The following PCDHGA3 variants were observed in gnomAD, a reference collection of about 807,000 sequenced individuals.
The protein encoded by PCDHGA3 is protocadherin gamma-A3.
In PCDHGA3, 40 loss-of-function variants were observed where a neutral mutation model predicts 58.5. The ratio of observed to expected loss-of-function variants is 0.68; its 90% CI spans 0.53 to 0.89. PCDHGA3 has a LOEUF of 0.89. Among genes scored for constraint, PCDHGA3 ranks in the 40% least tolerant of loss-of-function variants. The pLI, the probability that PCDHGA3 is intolerant of heterozygous loss-of-function variation, is 0.00. For synonymous variants in PCDHGA3, 530 were observed against 525.7 expected, an observed-to-expected ratio of 1.01 and a Z score of -0.11; for missense variants, 1,223 against 1,195.9, an observed-to-expected ratio of 1.02 and a Z score of -0.33.
rs1345498022 is a variant in PCDHGA3 at position 141,493,312 on chromosome 5, A to G, written c.2425-1495A>G. On this transcript the variant is annotated intron_variant, in intron 1 of 3. Coordinates refer to ENST00000253812, the MANE Select transcript of PCDHGA3 (RefSeq NM_018916.4). This position sits in a 1 kb window ranked among gnomAD's most constrained non-coding sequence, Gnocchi z 4.3. ...CTCAAGTTCACAGAGCAAGTAAGAG[A>G]GATTCTAACCCCTGTCTAACTCCAG... 6.6e-6 allele frequency among the ~76,000 whole-genome samples: 1 copy of G among 152,174 alleles called. No individual in the cohort carries two copies. Among genetic ancestry groups the G allele is most frequent in the Non-Finnish European group, 1.5e-5 (1 of 68,028 alleles).
At chr5:141,389,600 C>T (rs748837518) in intron 1 of PCDHGA3, 28 of 1,613,080 alleles carry the variant, frequency 1.7e-5, no homozygotes, top group Non-Finnish European at 2.3e-5. Flanking sequence ...GCTCTGCGCT[C>T]TTCGATATGG....
Position 141,431,706 on chromosome 5 carries a change from AG to A in PCDHGA3, c.2425-63100del. The A allele has an allele frequency of 6.2e-7, 1 of 1,614,248 alleles. No homozygotes were observed. The highest frequency in any genetic ancestry group is 8.5e-7 in the Non-Finnish European group (1 of 1,180,048). ...GACCACGAGGAGTCAGGATTCTACC[AG>A]ATGGAAGTGCAAGCAATGGATAATG... On this transcript the variant is annotated intron_variant, in intron 1 of 3. Coordinates refer to ENST00000253812, the MANE Select transcript of PCDHGA3 (RefSeq NM_018916.4). This position sits in a 1 kb window ranked among gnomAD's most constrained non-coding sequence, Gnocchi z 4.8.
In PCDHGA3 at chr5:141,485,062, C is replaced by T. The variant is rs2099606141; in HGVS notation, c.2425-9745C>T. 2.3e-6 allele frequency: 2 copies of T among 876,222 alleles called. No individual in the cohort carries two copies. Among genetic ancestry groups the T allele is most frequent in the Non-Finnish European group, 3.6e-6 (2 of 552,684 alleles). 54.3% of individuals were successfully genotyped at this position (876,222 alleles called of 1,614,324 possible). ...CCTTGCGGCGCCGGCCGAACCGCGCCAGAGCTGGCGCGGGGAAAGGGAGAT... is the reference window on the plus strand; with the variant it reads ...CCTTGCGGCGCCGGCCGAACCGCGCTAGAGCTGGCGCGGGGAAAGGGAGAT... On this transcript the variant is annotated intron_variant, in intron 1 of 3. Coordinates refer to ENST00000253812, the MANE Select transcript of PCDHGA3 (RefSeq NM_018916.4). The surrounding 1 kb of genome is among the most constrained non-coding windows in gnomAD (Gnocchi z 5.7).
At chr5:141,353,544 G>A (rs1278029752) in intron 1 of PCDHGA3, among the ~76,000 whole-genome samples, 1 of 152,080 alleles carries the variant, frequency 6.6e-6, no homozygotes, top group African/African-American at 2.4e-5. Context: ...CACTAACTTT[G>A]AGTCAATATT....
At chr5:141,355,086 G>A (rs1759710362) in intron 1 of PCDHGA3, 1 of 1,449,620 alleles carries the variant, frequency 6.9e-7, no homozygotes, top group Non-Finnish European at 9.2e-7. Context: ...TCAAGCGGAA[G>A]CCCTGAGAGC....
intron 1 of PCDHGA3, chr5:141,408,432 T>C (rs370073451): frequency 3.1e-6 from 5 of 1,613,972 alleles, no homozygotes; most frequent in Non-Finnish European, 4.2e-6. Flanking sequence ...CACTTCAGCG[T>C]AGACGCGGAG....
intron 1 of PCDHGA3, among the ~76,000 whole-genome samples, chr5:141,484,597 A>C (rs1345278081): frequency 1.3e-5 from 2 of 152,070 alleles, no homozygotes; most frequent in African/African-American, 4.8e-5. Flanking sequence ...CTCATTTAGA[A>C]TACTGGTTGA....
chr5:141,390,104 C>T, intron 1 of PCDHGA3: 1 of 1,614,070 alleles, frequency 6.2e-7, no homozygotes, highest in East Asian at 2.2e-5. Context: ...TTCCCCCCAA[C>T]TACAGCGAGG....
chr5:141,413,441 T>A, intron 1 of PCDHGA3: 1 of 1,614,056 alleles, frequency 6.2e-7, no homozygotes, highest in South Asian at 1.1e-5. Context: ...GGCAGCTTGA[T>A]CACCGCGGGC....
At position 141,389,227 on chromosome 5, in the gene PCDHGA3, C is replaced by T. The variant is rs1412412051; in HGVS notation, c.2424+42770C>T. On this transcript the variant is annotated intron_variant, in intron 1 of 3. Transcript: ENST00000253812. ...ATTGGTGATGTAAATGACAACGCTC[C>T]GGTTTTCTCACAGTCTTCCTATATA... 35 of 1,614,024 alleles carry T rather than the reference C, an allele frequency of 2.2e-5. No homozygotes were observed. Among genetic ancestry groups the T allele is most frequent in the Non-Finnish European group, 2.8e-5 (33 of 1,179,882 alleles).
At chr5:141,428,196 C>A in intron 1 of PCDHGA3, 2 of 1,383,704 alleles carry the variant, frequency 1.4e-6, no homozygotes, top group Non-Finnish European at 2.0e-6. Context: ...CCGCTCTCTG[C>A]GCCGCTACGC....
intron 1 of PCDHGA3, among the ~76,000 whole-genome samples, chr5:141,484,138 G>A (rs184277779): frequency 6.6e-6 from 1 of 152,244 alleles, no homozygotes; most frequent in Admixed American, 6.5e-5. Context: ...TCAGATAAAG[G>A]GAATTTGTAG....
Position 141,434,451 on chromosome 5 carries a change from A to T in PCDHGA3, c.2425-60356A>T, listed in dbSNP as rs145324240. 3.9e-3 allele frequency among the ~76,000 whole-genome samples: 589 copies of T among 152,326 alleles called. 6 individuals carry two copies. The highest frequency in any genetic ancestry group is 0.011 in the Admixed American group (170 of 15,298). ...GGCCGTAATGCCCATGCTGGAAGGTAGTGGGTTTACCGGAATGAGGGCAAG... is the reference window on the plus strand; with the variant it reads ...GGCCGTAATGCCCATGCTGGAAGGTTGTGGGTTTACCGGAATGAGGGCAAG... On this transcript the variant is annotated intron_variant, in intron 1 of 3. Transcript: ENST00000253812.
At chr5:141,352,392 T>G in intron 1 of PCDHGA3, 1 of 1,614,056 alleles carries the variant, frequency 6.2e-7, no homozygotes, top group South Asian at 1.1e-5. Context: ...GCCCTGCGCC[T>G]GCGACGTTCC....
chr5:141,407,661 T>G (rs964293417), intron 1 of PCDHGA3, among the ~76,000 whole-genome samples: 13 of 152,164 alleles, frequency 8.5e-5, no homozygotes, highest in African/African-American at 2.7e-4. Flanking sequence ...GAGCGCAGTA[T>G]ATATTAAACA....
At chr5:141,421,483 A>C in intron 1 of PCDHGA3, 4 of 1,614,128 alleles carry the variant, frequency 2.5e-6, no homozygotes, top group Non-Finnish European at 3.4e-6. Context: ...CGGCAGCTTG[A>C]TCACGGCAGG....
intron 1 of PCDHGA3, chr5:141,355,756 G>A (rs1307748694): frequency 1.2e-6 from 2 of 1,613,948 alleles, no homozygotes; most frequent in South Asian, 1.1e-5. Context: ...GCAAAGTGGG[G>A]CCGATGGGAT....
chr5:141,361,182 G>A (rs376882435), intron 1 of PCDHGA3: 56 of 1,613,766 alleles, frequency 3.5e-5, no homozygotes, highest in Non-Finnish European at 4.7e-5. Context: ...AAGTTATTGT[G>A]ACTTCAGTAT....
At chr5:141,414,904 A>G in intron 1 of PCDHGA3, 2 of 1,614,190 alleles carry the variant, frequency 1.2e-6, no homozygotes, top group Non-Finnish European at 1.7e-6. Context: ...AGACGGTTCC[A>G]CAGGCGTGGA....
Sources: allele counts gnomAD v4.1 joint callset (sites outside exome capture counted in the v4.1 genomes callset), GRCh38; gene constraint gnomAD v4.1.1; non-coding constraint Gnocchi (gnomAD v3.1); transcripts MANE v1.5; gene names NCBI Gene and HGNC (gene_info 2026-07-23, HGNC 2026-07-21).